SPEF2: variants seen among roughly 807,000 people sequenced by gnomAD.
SPEF2 encodes sperm flagella and cilia-associated protein 2.
SPEF2 carries 187 observed loss-of-function variants against 224.6 expected under a neutral mutation model. The observed-to-expected ratio is 0.83, with a 90% CI of 0.74 to 0.94. The LOEUF (loss-of-function observed/expected upper bound fraction) is 0.94, where lower values mean the gene tolerates loss of function less well. Ranked by LOEUF, SPEF2 falls within the 40% of genes least tolerant of loss-of-function variation. The pLI is 0.00. For synonymous variants in SPEF2, 715 were observed against 707.3 expected (o/e 1.01, Z -0.17); for missense variants, 2,170 against 2,135.6 (o/e 1.02, Z -0.32).
chr5:35,619,655 C>A (rs1281140479), intron 1 of SPEF2, among the ~76,000 whole-genome samples: 1 of 152,004 alleles, frequency 6.6e-6, no homozygotes, highest in Non-Finnish European at 1.5e-5. Flanking sequence ...CCAGTCTGGG[C>A]AACACAGAAA....
At chr5:35,707,877 C>A (rs2149585570) in intron 18 of SPEF2, among the ~76,000 whole-genome samples, 1 of 152,290 alleles carries the variant, frequency 6.6e-6, no homozygotes, top group Admixed American at 6.5e-5. Context: ...GGCAGTCTAT[C>A]TAAAACTTAA....
At chr5:35,669,996 C>A in intron 9 of SPEF2, 63 bp from the exon 10 acceptor site, 2 of 1,263,272 alleles carry the variant, frequency 1.6e-6, no homozygotes, top group East Asian at 2.4e-5. Flanking sequence ...ATAAAAATAC[C>A]AATGTTTAAA....
At chr5:35,656,930 A>G (rs966200837) in intron 7 of SPEF2, among the ~76,000 whole-genome samples, 6 of 152,090 alleles carry the variant, frequency 3.9e-5, no homozygotes, top group South Asian at 2.1e-4. Flanking sequence ...CCTCCTTCCT[A>G]TGGAATGTAG....
chr5:35,700,962 C>T (rs1295499730), intron 16 of SPEF2, among the ~76,000 whole-genome samples: 1 of 152,126 alleles, frequency 6.6e-6, no homozygotes, highest in African/African-American at 2.4e-5. Context: ...AATTCCAGTC[C>T]AACGGCAAGC....
In SPEF2 at chr5:35,694,360, C is replaced by T. The variant is rs1408426329; in HGVS notation, c.1972C>T (p.Leu658Phe). The part of the protein sequence containing the change: ...VLPETEGETM[L>F]SANADKTPKA... ...ACCAGAAACAGAAGGTGAAACAATG[C>T]TTAGTAAGATCTCAAAACAAATCAT... Residue 658 changes from leucine to phenylalanine, a missense_variant, in exon 13 of 37, where the codon CTT (leucine) becomes TTT (phenylalanine). By Grantham distance (22) the Leu-to-Phe change is conservative. Coordinates refer to ENST00000356031, the MANE Select transcript of SPEF2 (RefSeq NM_024867.4). 1 of 1,610,222 alleles carries T rather than the reference C, an allele frequency of 6.2e-7. No individual in the cohort carries two copies. The highest frequency in any genetic ancestry group is 1.1e-5 in the South Asian group (1 of 90,666).
At chr5:35,756,732 G>A (rs1750504357) in intron 24 of SPEF2, among the ~76,000 whole-genome samples, 1 of 152,196 alleles carries the variant, frequency 6.6e-6, no homozygotes, top group Non-Finnish European at 1.5e-5. Context: ...CACAAAACAA[G>A]GACTCTGTGA....
At chr5:35,733,325 A>T (rs1745977186) in intron 21 of SPEF2, among the ~76,000 whole-genome samples, 1 of 152,180 alleles carries the variant, frequency 6.6e-6, no homozygotes, top group African/African-American at 2.4e-5. Context: ...CGTGTTAGCC[A>T]GGATGGTCGC....
At chr5:35,751,713 A>G (rs556433684) in intron 23 of SPEF2, among the ~76,000 whole-genome samples, 13 of 152,338 alleles carry the variant, frequency 8.5e-5, no homozygotes, top group Admixed American at 2.0e-4. Context: ...TCAAAAACAA[A>G]GTATTCCATA....
At chr5:35,780,391 C>T (rs1364826168) in intron 30 of SPEF2, among the ~76,000 whole-genome samples, 2 of 152,164 alleles carry the variant, frequency 1.3e-5, no homozygotes, top group Non-Finnish European at 2.9e-5. Context: ...CTGGGTGAAC[C>T]TTGCGCTTTG....
intron 2 of SPEF2, among the ~76,000 whole-genome samples, chr5:35,631,296 A>G (rs1479681904): frequency 6.6e-6 from 1 of 152,206 alleles, no homozygotes; most frequent in Admixed American, 6.5e-5. Flanking sequence ...GTCATCTCCC[A>G]CTGGGTTCCT....
chr5:35,712,112 C>G (rs1224889370), intron 19 of SPEF2, among the ~76,000 whole-genome samples: 3 of 152,032 alleles, frequency 2.0e-5, no homozygotes, highest in Non-Finnish European at 4.4e-5. Flanking sequence ...ATTACAATTA[C>G]AGTCAATGAA....
At chr5:35,717,617 A>G (rs1005500412) in intron 20 of SPEF2, among the ~76,000 whole-genome samples, 4 of 152,126 alleles carry the variant, frequency 2.6e-5, no homozygotes, top group Non-Finnish European at 4.4e-5. Flanking sequence ...AAAGGGAAAA[A>G]AAGAGGAAAA....
chr5:35,664,717 AGGGAGG>A (rs1750211750), intron 8 of SPEF2, among the ~76,000 whole-genome samples: 2 of 136,946 alleles, frequency 1.5e-5, no homozygotes, highest in African/African-American at 5.7e-5. Flanking sequence ...AGAGAGAGAG[AGGGAGG>A]GAGAGAGAGG....
chr5:35,632,874 C>T (rs993395612), intron 2 of SPEF2: 4 of 152,036 alleles, frequency 2.6e-5, no homozygotes, highest in Admixed American at 2.6e-4. Flanking sequence ...TCCAAATTTA[C>T]TGTATTATTT....
At chr5:35,741,273 G>A (rs1747591394) in intron 23 of SPEF2, among the ~76,000 whole-genome samples, 1 of 152,230 alleles carries the variant, frequency 6.6e-6, no homozygotes, top group Admixed American at 6.5e-5. Flanking sequence ...TTTGTAAACA[G>A]TGGCTGTGGA....
intron 23 of SPEF2, among the ~76,000 whole-genome samples, chr5:35,746,276 G>GA (rs1427734973): frequency 4.6e-5 from 7 of 152,030 alleles, no homozygotes; most frequent in African/African-American, 1.7e-4. Context: ...TTAACACCGT[G>GA]AAAAAATCAC....
chr5:35,778,728 G>A (rs1753938412), intron 29 of SPEF2, among the ~76,000 whole-genome samples: 1 of 152,068 alleles, frequency 6.6e-6, no homozygotes, highest in Admixed American at 6.5e-5. Context: ...TAATAGTCAT[G>A]TTTTACAGAG....
At chr5:35,683,151 C>T (rs1753072743) in intron 10 of SPEF2, among the ~76,000 whole-genome samples, 1 of 152,128 alleles carries the variant, frequency 6.6e-6, no homozygotes, top group African/African-American at 2.4e-5. Flanking sequence ...CTCCAGGTCA[C>T]CATTAGGCTC....
intron 23 of SPEF2, among the ~76,000 whole-genome samples, chr5:35,752,855 G>T (rs1052520390): frequency 6.6e-6 from 1 of 151,412 alleles, no homozygotes; most frequent in African/African-American, 2.4e-5. Flanking sequence ...CAAGTATAGT[G>T]ACTTATGTTC....
Sources: allele counts gnomAD v4.1 joint callset (sites outside exome capture counted in the v4.1 genomes callset), GRCh38; gene constraint gnomAD v4.1.1; transcripts MANE v1.5; gene names NCBI Gene and HGNC (gene_info 2026-07-23, HGNC 2026-07-21).